Variants in SPOCK3 observed in about 807,000 individuals in gnomAD.
SPOCK3 encodes testican-3.
In SPOCK3, 30 loss-of-function variants were observed where a neutral mutation model predicts 56.6. That is an observed-to-expected ratio of 0.53 (90% CI 0.40 to 0.72). The LOEUF (loss-of-function observed/expected upper bound fraction) is 0.72. SPOCK3 is among the 30% of genes least tolerant of loss of function. SPOCK3 has a pLI of 0.00. For synonymous variants in SPOCK3, 196 were observed against 183.3 expected, an observed-to-expected ratio of 1.07 and a Z score of -0.56; for missense variants, 527 against 530.0, an observed-to-expected ratio of 0.99 and a Z score of 0.06.
intron 6 of SPOCK3, among the ~76,000 whole-genome samples, chr4:166,808,602 T>C (rs1322755508): frequency 6.6e-6 from 1 of 152,132 alleles, no homozygotes; most frequent in Non-Finnish European, 1.5e-5. Flanking sequence ...AAGACACTTC[T>C]GTTGTTTGTC....
intron 8 of SPOCK3, among the ~76,000 whole-genome samples, chr4:166,749,613 G>T (rs1036638712): frequency 3.3e-5 from 5 of 151,714 alleles, no homozygotes; most frequent in African/African-American, 1.2e-4. Flanking sequence ...TTGTGCACAT[G>T]TACCCTAGAA....
intron 3 of SPOCK3, among the ~76,000 whole-genome samples, chr4:167,009,384 T>C (rs1026589219): frequency 6.6e-6 from 1 of 152,128 alleles, no homozygotes; most frequent in African/African-American, 2.4e-5. Flanking sequence ...AAATTGCAAG[T>C]GTATCCAGAC....
intron 4 of SPOCK3, among the ~76,000 whole-genome samples, chr4:166,914,251 C>A (rs1226378519): frequency 6.6e-6 from 1 of 151,820 alleles, no homozygotes; most frequent in Admixed American, 6.6e-5. Context: ...AAAAATAAGA[C>A]GTATATGTCC....
chr4:166,850,587 C>A (rs940395172), intron 6 of SPOCK3, among the ~76,000 whole-genome samples: 1 of 152,118 alleles, frequency 6.6e-6, no homozygotes, highest in Non-Finnish European at 1.5e-5. Flanking sequence ...TGCCAGACAG[C>A]GGGGGCAGGT....
chr4:167,158,617 A>G (rs1765016725), intron 2 of SPOCK3, among the ~76,000 whole-genome samples: 1 of 152,006 alleles, frequency 6.6e-6, no homozygotes, highest in Non-Finnish European at 1.5e-5. Flanking sequence ...GTTTTCTTTC[A>G]GAGTGTGATG....
chr4:167,072,911 T>A (rs1198935224), intron 2 of SPOCK3, among the ~76,000 whole-genome samples: 2 of 151,846 alleles, frequency 1.3e-5, no homozygotes, highest in African/African-American at 2.4e-5. Context: ...TAAATTAAGG[T>A]CAAGTGCCTC....
intron 4 of SPOCK3, among the ~76,000 whole-genome samples, chr4:166,946,884 A>G (rs1431458085): frequency 6.6e-6 from 1 of 152,204 alleles, no homozygotes; most frequent in African/African-American, 2.4e-5. Flanking sequence ...TCGAATGGAT[A>G]AATGAAGGTG....
intron 2 of SPOCK3, among the ~76,000 whole-genome samples, chr4:167,228,872 T>C (rs6850485): frequency 0.24 from 36,714 of 151,970 alleles, 5,209 homozygotes; most frequent in African/African-American, 0.39. Context: ...AATAAAAATA[T>C]TACTGCATGC....
chr4:167,232,218 A>G (rs996388054), intron 2 of SPOCK3, among the ~76,000 whole-genome samples: 1 of 152,178 alleles, frequency 6.6e-6, no homozygotes. Context: ...TTTGAATAAA[A>G]TAAGAGAATA....
At chr4:167,140,004 A>C (rs1763405512) in intron 2 of SPOCK3, among the ~76,000 whole-genome samples, 1 of 151,840 alleles carries the variant, frequency 6.6e-6, no homozygotes, top group Admixed American at 6.6e-5. Flanking sequence ...TGATACCTGA[A>C]CGAGTTTGCC....
At chr4:167,155,955 C>T (rs1764783962) in intron 2 of SPOCK3, among the ~76,000 whole-genome samples, 1 of 151,668 alleles carries the variant, frequency 6.6e-6, no homozygotes, top group African/African-American at 2.4e-5. Context: ...ACTTCATGTT[C>T]AGCACATGTA....
intron 3 of SPOCK3, among the ~76,000 whole-genome samples, chr4:167,019,883 TC>T (rs1751003420): frequency 6.6e-6 from 1 of 152,128 alleles, no homozygotes; most frequent in South Asian, 2.1e-4. Context: ...TCCTTCACCA[TC>T]CTCTGTGATA....
At position 166,776,933 on chromosome 4, in the gene SPOCK3, C is replaced by T. The variant is rs149128536; in HGVS notation, c.709+15237G>A. ...TTAAAAGTAATGATTTAAAATAATT[C>T]CTTTAGGCAGAAATGCAAAGACTGA... On this transcript the variant is annotated intron_variant, in intron 7 of 10. Coordinates refer to ENST00000357545, the MANE Select transcript of SPOCK3 (RefSeq NM_001040159.2). Among the ~76,000 whole-genome samples the T allele has an allele frequency of 4.3e-3, 658 of 152,116 alleles. 2 individuals carry two copies. The highest frequency in any genetic ancestry group is 0.015 in the African/African-American group (626 of 41,498).
At chr4:166,902,881 A>G (rs1736207525) in intron 5 of SPOCK3, among the ~76,000 whole-genome samples, 1 of 150,652 alleles carries the variant, frequency 6.6e-6, no homozygotes, top group East Asian at 1.9e-4. Flanking sequence ...ATCTTTTTAA[A>G]TGTTTAAATG....
chr4:166,744,935 G>GA lies in SPOCK3; in HGVS notation c.932-2877dup, dbSNP rs896712259. 1.3e-4 allele frequency among the ~76,000 whole-genome samples: 20 copies of GA among 150,980 alleles called. No homozygotes were observed. In the East Asian group the frequency reaches 2.1e-3, roughly 16 times the overall value. ...AATGAAGCGAGAAGACAAGTTTAGA[G>GA]AAAAAAAAAGTAAAAATAAACGAAC... On this transcript the variant is annotated intron_variant, in intron 8 of 10. Transcript: ENST00000357545.
In SPOCK3 at chr4:167,180,828, T is replaced by A. The variant is rs530424267; in HGVS notation, c.189+53157A>T. 7.2e-5 allele frequency among the ~76,000 whole-genome samples: 11 copies of A among 152,276 alleles called. No individual in the cohort carries two copies. In the East Asian group the frequency reaches 2.1e-3, roughly 29 times the overall value. On this transcript the variant is annotated intron_variant, in intron 2 of 10. Coordinates refer to ENST00000357545, the MANE Select transcript of SPOCK3 (RefSeq NM_001040159.2). ...CATGTAAGAGAAAATATTTTGTTTT[T>A]AAAAGCATATGTTACAGACAAATTT...
intron 2 of SPOCK3, among the ~76,000 whole-genome samples, chr4:167,066,613 T>C (rs1472046358): frequency 1.3e-5 from 2 of 151,912 alleles, no homozygotes; most frequent in African/African-American, 4.8e-5. Context: ...TACAACTGTA[T>C]GGGTTTTTTT....
chr4:166,926,517 TG>T (rs1739120570), intron 4 of SPOCK3, among the ~76,000 whole-genome samples: 2 of 151,502 alleles, frequency 1.3e-5, no homozygotes, highest in Admixed American at 1.3e-4. Flanking sequence ...TGTTTTTTGC[TG>T]TTGTTGTTTT....
intron 4 of SPOCK3, among the ~76,000 whole-genome samples, chr4:166,926,469 C>T (rs1254904953): frequency 1.3e-5 from 2 of 151,782 alleles, no homozygotes; most frequent in African/African-American, 2.4e-5. Flanking sequence ...ATTCAGATCC[C>T]GCTTGAAATA....
Sources: allele counts gnomAD v4.1 joint callset (sites outside exome capture counted in the v4.1 genomes callset), GRCh38; gene constraint gnomAD v4.1.1; transcripts MANE v1.5; gene names NCBI Gene and HGNC (gene_info 2026-07-23, HGNC 2026-07-21).